The following CAMTA1 variants were observed in gnomAD, a reference collection of about 807,000 sequenced individuals.
The protein encoded by CAMTA1 is calmodulin binding transcription activator 1.
Under a neutral mutation model 170.9 loss-of-function variants are expected in CAMTA1, and 27 were observed. That is an observed-to-expected ratio of 0.16 (90% CI 0.12 to 0.22). The LOEUF is 0.22. CAMTA1 is among the 10% of genes least tolerant of loss of function. CAMTA1 has a pLI of 1.00. For missense variants in CAMTA1, 1,619 were observed against 2,217.2 expected (o/e 0.73, Z 5.42); for synonymous variants, 833 against 891.5 (o/e 0.93, Z 1.17).
chr1:7,128,831 CTTTTTTTTTTTTTTT>C (rs34180837), intron 4 of CAMTA1, among the ~76,000 whole-genome samples: 5 of 61,320 alleles, frequency 8.2e-5, no homozygotes, highest in African/African-American at 3.7e-4. Flanking sequence ...GCTCCCCCTC[CTTTTTTTTTTTTTTT>C]TTTTTTTTTT....
rs145242440 is a variant in CAMTA1, at chr1:7,663,968, G to A, written c.1421G>A (p.Arg474Gln). 76 of 1,613,670 alleles carry A rather than the reference G, an allele frequency of 4.7e-5. No individual in the cohort carries two copies. The highest frequency in any genetic ancestry group is 4.5e-4 in the East Asian group (20 of 44,892). The change falls in exon 9 of 23, where the codon CGG becomes CAG. Residue 474 changes from arginine to glutamine, a missense_variant. By Grantham distance (43) the Arg-to-Gln change is conservative. Coordinates refer to ENST00000303635, the MANE Select transcript of CAMTA1 (RefSeq NM_015215.4). Reference sequence around the variant, plus strand: ...CTCTCCACCACCCTCGACGGTGGCCGGAAGATTCCAGAAACCACCATGAAC... The same window carrying A: ...CTCTCCACCACCCTCGACGGTGGCCAGAAGATTCCAGAAACCACCATGAAC... ...LVLSTTLDGG[R>Q]KIPETTMNFD...
intron 3 of CAMTA1, among the ~76,000 whole-genome samples, chr1:6,906,350 CTAGCTACT>C (rs1557802959): frequency 6.6e-6 from 1 of 152,180 alleles, no homozygotes; most frequent in Non-Finnish European, 1.5e-5. Flanking sequence ...GCTACTGATG[CTAGCTACT>C]TAGAGATGGC....
At chr1:7,228,088 C>T (rs1662038651) in intron 4 of CAMTA1, among the ~76,000 whole-genome samples, 1 of 152,240 alleles carries the variant, frequency 6.6e-6, no homozygotes, top group Non-Finnish European at 1.5e-5. Flanking sequence ...TTAGAAGGAA[C>T]TGGTTGCATT....
At chr1:6,949,840 G>A (rs1213626375) in intron 3 of CAMTA1, among the ~76,000 whole-genome samples, 1 of 152,248 alleles carries the variant, frequency 6.6e-6, no homozygotes, top group Non-Finnish European at 1.5e-5. Context: ...TTCTGCCCTC[G>A]GCACGCCAGG....
At chr1:7,257,075 G>GC (rs1422034435) in intron 5 of CAMTA1, among the ~76,000 whole-genome samples, 11 of 119,462 alleles carry the variant, frequency 9.2e-5, no homozygotes, top group African/African-American at 2.2e-4. Context: ...CCATCGCATG[G>GC]CGGGGGCGGG....
At chr1:7,264,135 G>T (rs890955363) in intron 5 of CAMTA1, among the ~76,000 whole-genome samples, 17 of 152,154 alleles carry the variant, frequency 1.1e-4, no homozygotes, top group Non-Finnish European at 2.4e-4. Context: ...GGACGCTTCT[G>T]CAAAGGATGC....
rs974564295 is a variant in CAMTA1, at chr1:7,736,256, G to T, written c.3067-88G>T. 8 of 1,084,776 alleles carry T rather than the reference G, an allele frequency of 7.4e-6. No individual in the cohort carries two copies. In the East Asian group the frequency reaches 1.8e-4, roughly 24 times the overall value. The allele number at this position is 1,084,776 out of a possible 1,614,324, so 67.2% of individuals were successfully genotyped here. On this transcript the variant is annotated intron_variant, in intron 12 of 22. Transcript: ENST00000303635. The surrounding 1 kb of genome is among the most constrained non-coding windows in gnomAD (Gnocchi z 4.5). ...TGTTTTCCGTTGTGAGTTTCTAATC[G>T]TAAAGCATTTGTTTCCCCTACATCG...
At chr1:6,860,747 C>A (rs942981682) in intron 3 of CAMTA1, among the ~76,000 whole-genome samples, 6 of 151,924 alleles carry the variant, frequency 3.9e-5, no homozygotes, top group African/African-American at 1.5e-4. Flanking sequence ...CCCATCTCTA[C>A]TAAAAATACA....
chr1:6,823,628 A>T (rs1646776265), intron 2 of CAMTA1, among the ~76,000 whole-genome samples: 1 of 152,134 alleles, frequency 6.6e-6, no homozygotes, highest in Non-Finnish European at 1.5e-5. Flanking sequence ...CTTTATTTCT[A>T]TGCCCAATAT....
rs150064005 is a variant in CAMTA1, at chr1:7,151,112, C to G, written c.302+59741C>G. Among the ~76,000 whole-genome samples, 1,140 of 152,334 alleles carry G rather than the reference C, an allele frequency of 7.5e-3. 12 individuals are homozygous for G. Among genetic ancestry groups the G allele is most frequent in the African/African-American group, 0.026 (1,070 of 41,572 alleles). On this transcript the variant is annotated intron_variant, in intron 4 of 22. Transcript: ENST00000303635. ...ACTTTGCATAAAGGAGGATTTGGTT[C>G]ACTAAGTAGCACACGGTGCTTGCTG...
chr1:7,518,505 CT>C (rs2094317836), intron 6 of CAMTA1, among the ~76,000 whole-genome samples: 2 of 151,962 alleles, frequency 1.3e-5, no homozygotes, highest in East Asian at 3.9e-4. Flanking sequence ...GGGCAGTTGC[CT>C]GTGGGAGAAG....
intron 5 of CAMTA1, among the ~76,000 whole-genome samples, chr1:7,267,935 A>G (rs1280710205): frequency 3.9e-5 from 6 of 152,168 alleles, no homozygotes; most frequent in African/African-American, 9.7e-5. Context: ...GGACACCTAT[A>G]AAAATGTCCA....
intron 4 of CAMTA1, among the ~76,000 whole-genome samples, chr1:7,152,305 C>G (rs147766072): frequency 6.6e-6 from 1 of 152,160 alleles, no homozygotes; most frequent in Non-Finnish European, 1.5e-5. Flanking sequence ...GTACCTTCCA[C>G]GTTTCTGTTC....
intron 3 of CAMTA1, among the ~76,000 whole-genome samples, chr1:6,974,667 G>T (rs538273366): frequency 6.6e-6 from 1 of 152,162 alleles, no homozygotes; most frequent in Non-Finnish European, 1.5e-5. Context: ...CCTGCCGCAC[G>T]GACGTCCTGG....
chr1:7,228,652 A>G (rs1331624844), intron 4 of CAMTA1, among the ~76,000 whole-genome samples: 4 of 152,192 alleles, frequency 2.6e-5, no homozygotes, highest in Non-Finnish European at 4.4e-5. Flanking sequence ...AAGCAAGAGC[A>G]CCTACAGGGG....
intron 6 of CAMTA1, among the ~76,000 whole-genome samples, chr1:7,512,529 G>A (rs533361869): frequency 6.6e-5 from 10 of 152,318 alleles, no homozygotes; most frequent in Middle Eastern, 3.4e-3. Context: ...AGGCTGAGGG[G>A]TGGCTTCAAG....
At chr1:7,290,713 A>G (rs1574467385) in intron 5 of CAMTA1, among the ~76,000 whole-genome samples, 1 of 151,734 alleles carries the variant, frequency 6.6e-6, no homozygotes, top group Non-Finnish European at 1.5e-5. Flanking sequence ...TATTATTACC[A>G]TCATCATTTT....
intron 6 of CAMTA1, among the ~76,000 whole-genome samples, chr1:7,583,996 G>A (rs974088975): frequency 9.2e-5 from 14 of 152,096 alleles, no homozygotes; most frequent in African/African-American, 3.1e-4. Context: ...GATGGAGAAT[G>A]GGGCGTCCAT....
intron 3 of CAMTA1, among the ~76,000 whole-genome samples, chr1:6,945,488 A>G (rs531329062): frequency 6.6e-6 from 1 of 152,216 alleles, no homozygotes; most frequent in African/African-American, 2.4e-5. Flanking sequence ...AGCTGGGACC[A>G]CAGGTGTGCA....
Sources: allele counts gnomAD v4.1 joint callset (sites outside exome capture counted in the v4.1 genomes callset), GRCh38; gene constraint gnomAD v4.1.1; non-coding constraint Gnocchi (gnomAD v3.1); transcripts MANE v1.5; gene names NCBI Gene and HGNC (gene_info 2026-07-23, HGNC 2026-07-21).